The following SPIDR variants were observed in gnomAD, a reference collection of about 807,000 sequenced individuals.
SPIDR encodes the protein DNA repair-scaffolding protein.
A neutral mutation model predicts 104.6 loss-of-function variants in SPIDR; 93 were observed. The observed-to-expected ratio is 0.89, with a 90% CI of 0.75 to 1.06. The LOEUF is 1.06. Among genes scored for constraint, SPIDR ranks in the 50% least tolerant of loss-of-function variants. SPIDR has a pLI of 0.00. For missense variants in SPIDR, 1,154 were observed against 1,111.2 expected, an observed-to-expected ratio of 1.04 and a Z score of -0.55; for synonymous variants, 431 against 416.9, an observed-to-expected ratio of 1.03 and a Z score of -0.41.
In SPIDR at chr8:47,653,930, G is replaced by A. The variant is rs2154458501; in HGVS notation, c.1545-19871G>A. 4 of 961,878 alleles carry A rather than the reference G, an allele frequency of 4.2e-6. 1 individual carries two copies. The South Asian group carries it at 1.9e-4, about 46-fold the overall frequency. The allele number at this position is 961,878 out of a possible 1,614,324, so 59.6% of individuals were successfully genotyped here. A position where few individuals can be genotyped will look rare whatever the true frequency, so the allele number is the denominator to read the frequency against. On this transcript the variant is annotated intron_variant, in intron 10 of 19. Transcript: ENST00000297423. ...AGAATTGTTTACACTATGGGAATAA[G>A]AGAAGTCTTCATATAAGACATGGAG...
chr8:47,550,934 A>C (rs959964900), intron 8 of SPIDR, among the ~76,000 whole-genome samples: 1 of 152,190 alleles, frequency 6.6e-6, no homozygotes, highest in Non-Finnish European at 1.5e-5. Flanking sequence ...TTATTTTGAG[A>C]TATGTTCCAT....
intron 8 of SPIDR, among the ~76,000 whole-genome samples, chr8:47,457,281 G>A (rs2154351514): frequency 6.6e-6 from 1 of 152,118 alleles, no homozygotes; most frequent in Non-Finnish European, 1.5e-5. Context: ...ATTTTTTGAT[G>A]TTTTGATTAT....
chr8:47,527,892 A>G (rs2085278800), intron 8 of SPIDR: 1 of 152,220 alleles, frequency 6.6e-6, no homozygotes, highest in East Asian at 1.9e-4. Context: ...TACTTTTACC[A>G]GTGGTATATC....
chr8:47,646,308 AGGG>A (rs879681447), intron 10 of SPIDR, among the ~76,000 whole-genome samples: 69 of 152,172 alleles, frequency 4.5e-4, no homozygotes, highest in Non-Finnish European at 7.1e-4. Flanking sequence ...CCTTTGGTGG[AGGG>A]AGAGTACATT....
intron 8 of SPIDR, among the ~76,000 whole-genome samples, chr8:47,512,871 A>G (rs2082570947): frequency 6.6e-6 from 1 of 152,254 alleles, no homozygotes; most frequent in Non-Finnish European, 1.5e-5. Context: ...TAATGACTGT[A>G]ATAACTAAGC....
chr8:47,493,050 T>A (rs868682938), intron 8 of SPIDR, among the ~76,000 whole-genome samples: 331 of 140,036 alleles, frequency 2.4e-3, no homozygotes, highest in African/African-American at 0.011. Context: ...TGAGTGTGTG[T>A]GTGTGTGTGT....
intron 10 of SPIDR, chr8:47,660,910 T>C (rs2074009883): frequency 1.0e-6 from 1 of 982,792 alleles, no homozygotes; most frequent in African/African-American, 1.7e-5. Context: ...TGCGCATTTG[T>C]CTGGTAGGTG....
At chr8:47,358,616 T>A (rs575980623) in intron 5 of SPIDR, among the ~76,000 whole-genome samples, 1 of 152,334 alleles carries the variant, frequency 6.6e-6, no homozygotes, top group South Asian at 2.1e-4. Context: ...GAAGAAATGA[T>A]GAACTCAAGC....
At chr8:47,582,893 G>GACAC (rs138228476) in intron 8 of SPIDR, among the ~76,000 whole-genome samples, 2 of 141,914 alleles carry the variant, frequency 1.4e-5, no homozygotes, top group Admixed American at 7.1e-5. Flanking sequence ...CTTTCCACCA[G>GACAC]ACACACACAC....
intron 5 of SPIDR, among the ~76,000 whole-genome samples, chr8:47,324,223 A>G (rs1395678057): frequency 6.6e-6 from 1 of 152,192 alleles, no homozygotes; most frequent in Non-Finnish European, 1.5e-5. Flanking sequence ...AAATCACACA[A>G]CTAGAAAGTA....
intron 8 of SPIDR, among the ~76,000 whole-genome samples, chr8:47,462,330 G>A (rs2074081206): frequency 6.6e-6 from 1 of 152,120 alleles, no homozygotes; most frequent in Non-Finnish European, 1.5e-5. Flanking sequence ...GGGTCCTGAA[G>A]GAGCAATCTG....
chr8:47,618,667 T>TTG (rs1287183096), intron 10 of SPIDR, among the ~76,000 whole-genome samples: 6 of 152,020 alleles, frequency 3.9e-5, no homozygotes, highest in Admixed American at 2.0e-4. Flanking sequence ...TTAAAATAGT[T>TTG]TGTGTGTGTG....
At chr8:47,427,294 G>C (rs936140103) in intron 7 of SPIDR, among the ~76,000 whole-genome samples, 1 of 149,070 alleles carries the variant, frequency 6.7e-6, no homozygotes, top group African/African-American at 2.4e-5. Flanking sequence ...ATTGGAAAAG[G>C]GTTGGGACAG....
intron 10 of SPIDR, among the ~76,000 whole-genome samples, chr8:47,641,052 GA>G (rs1426769742): frequency 6.6e-6 from 1 of 150,994 alleles, no homozygotes; most frequent in African/African-American, 2.4e-5. Context: ...ATTAGATGCT[GA>G]AAAAGGGTAT....
At chr8:47,712,285 A>C (rs1360047057) in intron 14 of SPIDR, among the ~76,000 whole-genome samples, 2 of 152,244 alleles carry the variant, frequency 1.3e-5, no homozygotes, top group Non-Finnish European at 2.9e-5. Context: ...ACCCTCAGGA[A>C]ACTTACAACT....
chr8:47,509,647 ATTTAT>A lies in SPIDR; in HGVS notation c.1097+69109_1097+69113del, dbSNP rs2082014627. On this transcript the variant is annotated intron_variant, in intron 8 of 19. Coordinates refer to ENST00000297423, the MANE Select transcript of SPIDR (RefSeq NM_001080394.4). ...GCATAACTTTTCAGCCTACTTTCAC[ATTTAT>A]TTTCTTACTTCCTCTTTAGATAACT... Among the ~76,000 whole-genome samples the A allele has an allele frequency of 3.3e-5, 5 of 152,280 alleles. 1 individual carries two copies. Among genetic ancestry groups the A allele is most frequent in the Admixed American group, 3.3e-4 (5 of 15,300 alleles).
chr8:47,642,021 G>T (rs987486482), intron 10 of SPIDR, among the ~76,000 whole-genome samples: 3 of 152,138 alleles, frequency 2.0e-5, no homozygotes, highest in African/African-American at 7.2e-5. Flanking sequence ...TGGACTCTGC[G>T]CACGTGTGGG....
At chr8:47,394,655 G>A (rs568693954) in intron 5 of SPIDR, among the ~76,000 whole-genome samples, 18 of 152,288 alleles carry the variant, frequency 1.2e-4, no homozygotes, top group African/African-American at 4.3e-4. Flanking sequence ...CAGTGCTGTA[G>A]GACAAAGGGC....
chr8:47,662,744 A>G (rs1481778523), intron 10 of SPIDR, among the ~76,000 whole-genome samples: 1 of 152,190 alleles, frequency 6.6e-6, no homozygotes, highest in African/African-American at 2.4e-5. Flanking sequence ...GAATGTTTGC[A>G]TCTCCCCCAA....
Sources: gnomAD v4.1 joint callset for allele counts (sites outside exome capture counted in the v4.1 genomes callset) on GRCh38, gnomAD v4.1.1 for gene constraint, MANE v1.5 for transcripts, NCBI Gene and HGNC (gene_info 2026-07-23, HGNC 2026-07-21) for gene names.